The following CAMK1D variants were observed in gnomAD, a reference collection of about 807,000 sequenced individuals.
CAMK1D encodes the protein calcium/calmodulin dependent protein kinase ID.
Under a neutral mutation model 47.7 loss-of-function variants are expected in CAMK1D, and 9 were observed. That is an observed-to-expected ratio of 0.19 (90% CI 0.11 to 0.33). The LOEUF (loss-of-function observed/expected upper bound fraction) is 0.33. CAMK1D is among the 10% of genes least tolerant of loss of function. CAMK1D has a pLI of 1.00. For missense variants in CAMK1D, 291 were observed against 488.7 expected, an observed-to-expected ratio of 0.60 and a Z score of 3.81; for synonymous variants, 184 against 184.9, an observed-to-expected ratio of 0.99 and a Z score of 0.04.
chr10:12,526,370 A>T (rs1287203462), intron 1 of CAMK1D, among the ~76,000 whole-genome samples: 1 of 152,200 alleles, frequency 6.6e-6, no homozygotes, highest in Admixed American at 6.5e-5. Flanking sequence ...TGTTTTACGC[A>T]TGAGCATTTC....
intron 3 of CAMK1D, among the ~76,000 whole-genome samples, chr10:12,678,988 G>A (rs1588775968): frequency 1.3e-5 from 2 of 152,000 alleles, no homozygotes; most frequent in South Asian, 4.1e-4. Flanking sequence ...GTCTCGAACT[G>A]CTGACCTCGT....
At chr10:12,534,405 C>G (rs185750942) in intron 1 of CAMK1D, among the ~76,000 whole-genome samples, 6 of 152,296 alleles carry the variant, frequency 3.9e-5, no homozygotes, top group African/African-American at 1.2e-4. Flanking sequence ...CTTGCTCTGT[C>G]GCCCAGGCTG....
intron 1 of CAMK1D, among the ~76,000 whole-genome samples, chr10:12,528,474 G>A (rs991134106): frequency 6.6e-6 from 1 of 152,184 alleles, no homozygotes; most frequent in African/African-American, 2.4e-5. Context: ...GTACAGACAA[G>A]CGTGATTTCA....
At chr10:12,560,707 A>G (rs1444483430) in intron 2 of CAMK1D, among the ~76,000 whole-genome samples, 1 of 152,088 alleles carries the variant, frequency 6.6e-6, no homozygotes, top group Admixed American at 6.6e-5. Context: ...TTAAGGATCA[A>G]TCTGAGCTGC....
intron 5 of CAMK1D, among the ~76,000 whole-genome samples, chr10:12,783,377 C>T (rs1360263324): frequency 6.6e-6 from 1 of 152,188 alleles, no homozygotes; most frequent in Non-Finnish European, 1.5e-5. Flanking sequence ...TGTCACCGTC[C>T]TCCGCCCACT....
At chr10:12,732,413 A>C (rs950097953) in intron 3 of CAMK1D, among the ~76,000 whole-genome samples, 3 of 152,138 alleles carry the variant, frequency 2.0e-5, no homozygotes, top group African/African-American at 7.2e-5. Context: ...TTATTAGTCC[A>C]TTTTCACGCT....
intron 1 of CAMK1D, among the ~76,000 whole-genome samples, chr10:12,528,744 T>TTTC (rs1835707966): frequency 6.6e-6 from 1 of 151,020 alleles, no homozygotes; most frequent in Non-Finnish European, 1.5e-5. Flanking sequence ...ATCTTTTTTT[T>TTTC]TTTTTTTTCT....
intron 5 of CAMK1D, among the ~76,000 whole-genome samples, chr10:12,789,851 TG>T (rs776133875): frequency 1.2e-4 from 19 of 152,262 alleles, no homozygotes; most frequent in East Asian, 5.8e-4. Context: ...AAAAATTTTC[TG>T]GAAAGTCTGT....
intron 1 of CAMK1D, among the ~76,000 whole-genome samples, chr10:12,436,543 G>A (rs905563666): frequency 6.6e-6 from 1 of 152,214 alleles, no homozygotes; most frequent in South Asian, 2.1e-4. Flanking sequence ...CACTGGTGGC[G>A]AGGAGGTGAT....
chr10:12,468,972 G>T (rs560210532), intron 1 of CAMK1D, among the ~76,000 whole-genome samples: 1 of 152,188 alleles, frequency 6.6e-6, no homozygotes, highest in South Asian at 2.1e-4. Flanking sequence ...AATCTCATCT[G>T]CCCTCAGCAG....
intron 1 of CAMK1D, among the ~76,000 whole-genome samples, chr10:12,404,147 G>A (rs965430683): frequency 6.6e-6 from 1 of 152,056 alleles, no homozygotes; most frequent in Non-Finnish European, 1.5e-5. Flanking sequence ...CCAGGTTCAA[G>A]TGATTCTCCT....
chr10:12,399,646 G>A (rs114747510), intron 1 of CAMK1D, among the ~76,000 whole-genome samples: 1,804 of 152,314 alleles, frequency 0.012, 33 homozygotes, highest in African/African-American at 0.041. Flanking sequence ...AATGTCATAA[G>A]AGTAAAACAA....
At chr10:12,488,682 AG>A (rs1834287045) in intron 1 of CAMK1D, among the ~76,000 whole-genome samples, 1 of 152,322 alleles carries the variant, frequency 6.6e-6, no homozygotes, top group African/African-American at 2.4e-5. Context: ...TCCTGTAACT[AG>A]ACAGTCCCAT....
At chr10:12,779,010 G>T (rs1837382696) in intron 5 of CAMK1D, among the ~76,000 whole-genome samples, 2 of 152,174 alleles carry the variant, frequency 1.3e-5, no homozygotes, top group South Asian at 4.1e-4. Context: ...GGCAGGGGGA[G>T]CAGAGGCCCA....
intron 1 of CAMK1D, among the ~76,000 whole-genome samples, chr10:12,526,576 T>G (rs953687872): frequency 2.6e-5 from 4 of 152,170 alleles, no homozygotes; most frequent in Non-Finnish European, 4.4e-5. Flanking sequence ...TTTGCAGTTC[T>G]TCATAACTGG....
At chr10:12,599,760 C>T (rs976462747) in intron 2 of CAMK1D, among the ~76,000 whole-genome samples, 3 of 152,150 alleles carry the variant, frequency 2.0e-5, no homozygotes, top group African/African-American at 7.2e-5. Flanking sequence ...CTTTTCCACA[C>T]GGGCCCCAGA....
At chr10:12,711,589 C>A (rs370968869) in intron 3 of CAMK1D, among the ~76,000 whole-genome samples, 1 of 152,194 alleles carries the variant, frequency 6.6e-6, no homozygotes, top group Non-Finnish European at 1.5e-5. Context: ...CTGCTTGCTG[C>A]TCTTTTCAGA....
chr10:12,627,982 G>A (rs1839271031), intron 2 of CAMK1D, among the ~76,000 whole-genome samples: 1 of 151,918 alleles, frequency 6.6e-6, no homozygotes, highest in Admixed American at 6.6e-5. Context: ...TCAGGAGGCT[G>A]AGGCAGGGGA....
chr10:12,393,991 C>G (rs1838844477), intron 1 of CAMK1D, among the ~76,000 whole-genome samples: 1 of 152,224 alleles, frequency 6.6e-6, no homozygotes, highest in African/African-American at 2.4e-5. Context: ...GGCAGTTCCA[C>G]AAGACCGCTC....
Sources: gnomAD v4.1 joint callset for allele counts (sites outside exome capture counted in the v4.1 genomes callset) on GRCh38, gnomAD v4.1.1 for gene constraint, MANE v1.5 for transcripts, NCBI Gene and HGNC (gene_info 2026-07-23, HGNC 2026-07-21) for gene names.